NLGN1: variants seen among roughly 807,000 people sequenced by gnomAD.
NLGN1 encodes neuroligin-1.
NLGN1 carries 12 observed loss-of-function variants against 65.5 expected under a neutral mutation model. The ratio of observed to expected loss-of-function variants is 0.18; its 90% CI spans 0.12 to 0.30. The LOEUF is 0.30. Among genes scored for constraint, NLGN1 ranks in the 10% least tolerant of loss-of-function variants. The pLI is 1.00. For missense variants in NLGN1, 750 were observed against 1,007.1 expected, an observed-to-expected ratio of 0.74 and a Z score of 3.46; for synonymous variants, 350 against 359.5, an observed-to-expected ratio of 0.97 and a Z score of 0.30.
In NLGN1 at chr3:173,926,545, T is replaced by G. The variant is rs144901564; in HGVS notation, c.646+118713T>G. Among the ~76,000 whole-genome samples, 3 of 152,328 alleles carry G rather than the reference T, an allele frequency of 2.0e-5. No homozygotes were observed. In the East Asian group the frequency reaches 5.8e-4, roughly 29 times the overall value. On this transcript the variant is annotated intron_variant, in intron 4 of 6. Transcript: ENST00000457714. ...ACCTACCGGTGTATACATCCATGTA[T>G]TTATCATTCTCTACTATTTATTCAA...
intron 3 of NLGN1, among the ~76,000 whole-genome samples, chr3:173,614,066 T>C (rs557062676): frequency 2.0e-4 from 31 of 151,542 alleles, no homozygotes; most frequent in Non-Finnish European, 4.6e-4. Flanking sequence ...CTCCTAGTCT[T>C]AGAAGCATAT....
chr3:173,642,132 G>T (rs1441514452), intron 3 of NLGN1, among the ~76,000 whole-genome samples: 1 of 151,860 alleles, frequency 6.6e-6, no homozygotes, highest in African/African-American at 2.4e-5. Flanking sequence ...CTTGCCTAAA[G>T]TAACCAAAAC....
chr3:174,154,925 T>G (rs1187918455), intron 4 of NLGN1, among the ~76,000 whole-genome samples: 1 of 134,326 alleles, frequency 7.4e-6, no homozygotes, highest in Non-Finnish European at 1.5e-5. Context: ...ATATTTATAT[T>G]TAATTTATAT....
At chr3:173,841,398 T>C (rs1412446857) in intron 4 of NLGN1, among the ~76,000 whole-genome samples, 1 of 152,206 alleles carries the variant, frequency 6.6e-6, no homozygotes, top group East Asian at 1.9e-4. Flanking sequence ...GAGGACTGTC[T>C]TGGCATTCAT....
At chr3:173,873,113 G>A (rs938426814) in intron 4 of NLGN1, among the ~76,000 whole-genome samples, 5 of 147,826 alleles carry the variant, frequency 3.4e-5, no homozygotes, top group Admixed American at 1.4e-4. Context: ...TTTTGAGACC[G>A]AATCTCACTC....
At chr3:173,918,700 G>GTA (rs1404758270) in intron 4 of NLGN1, among the ~76,000 whole-genome samples, 2 of 81,944 alleles carry the variant, frequency 2.4e-5, no homozygotes, top group African/African-American at 9.2e-5. Context: ...GTGTGTGTGT[G>GTA]TGTATATATA....
intron 2 of NLGN1, among the ~76,000 whole-genome samples, chr3:173,564,624 A>G (rs1743329199): frequency 6.6e-6 from 1 of 152,230 alleles, no homozygotes; most frequent in Non-Finnish European, 1.5e-5. Flanking sequence ...CTGAGGAGAT[A>G]GCAGCCTCAG....
intron 4 of NLGN1, among the ~76,000 whole-genome samples, chr3:173,893,652 G>T (rs1349732044): frequency 6.6e-6 from 1 of 152,024 alleles, no homozygotes; most frequent in African/African-American, 2.4e-5. Flanking sequence ...CTATCACTTT[G>T]TCTTAGGCCC....
At chr3:173,806,633 T>C (rs1287222072) in intron 3 of NLGN1, among the ~76,000 whole-genome samples, 1 of 152,132 alleles carries the variant, frequency 6.6e-6, no homozygotes, top group Non-Finnish European at 1.5e-5. Context: ...AATATTTCAA[T>C]CTATATAATA....
chr3:174,132,962 C>T (rs116092128), intron 4 of NLGN1, among the ~76,000 whole-genome samples: 1,775 of 152,284 alleles, frequency 0.012, 20 homozygotes, highest in Non-Finnish European at 0.019. Flanking sequence ...CAACACCCTC[C>T]CCAAAGTTGC....
rs569563529 is a variant in NLGN1 at position 173,849,431 on chromosome 3, A to G, written c.646+41599A>G. ...TCATGTAAAAATCATGGGACAAGTT[A>G]GGCAAAACAAGAGACTGCAGAGTAA... is the stretch of plus-strand genomic sequence containing the variant. On this transcript the variant is annotated intron_variant, in intron 4 of 6. Coordinates refer to ENST00000457714, the Ensembl canonical transcript of NLGN1. Among the ~76,000 whole-genome samples the G allele has an allele frequency of 9.8e-5, 15 of 152,290 alleles. No individual in the cohort carries two copies. In the South Asian group the frequency reaches 3.1e-3, roughly 32 times the overall value.
chr3:173,867,570 A>G (rs1730401987), intron 4 of NLGN1, among the ~76,000 whole-genome samples: 2 of 152,112 alleles, frequency 1.3e-5, no homozygotes, highest in Admixed American at 1.3e-4. Flanking sequence ...GAAACATATA[A>G]TGTTGGTATG....
At chr3:174,064,627 T>C (rs958886483) in intron 4 of NLGN1, among the ~76,000 whole-genome samples, 61 of 150,332 alleles carry the variant, frequency 4.1e-4, no homozygotes, top group Admixed American at 6.0e-4. Flanking sequence ...AATATGTATA[T>C]GTATAATAGG....
chr3:173,503,973 T>C (rs949634482), intron 2 of NLGN1, among the ~76,000 whole-genome samples: 1 of 152,016 alleles, frequency 6.6e-6, no homozygotes, highest in African/African-American at 2.4e-5. Context: ...ATAACACATA[T>C]GAGTTATTGG....
chr3:174,175,730 C>T (rs73880388), intron 4 of NLGN1, among the ~76,000 whole-genome samples: 2,254 of 151,728 alleles, frequency 0.015, 66 homozygotes, highest in African/African-American at 0.052. Flanking sequence ...TTTTTTTCAC[C>T]ATTTTCAGAA....
chr3:174,161,273 G>C (rs1726452805), intron 4 of NLGN1, among the ~76,000 whole-genome samples: 1 of 151,634 alleles, frequency 6.6e-6, no homozygotes, highest in African/African-American at 2.4e-5. Flanking sequence ...CCATATAACT[G>C]TTACTCACTG....
intron 4 of NLGN1, among the ~76,000 whole-genome samples, chr3:174,034,702 G>A (rs912659922): frequency 1.3e-5 from 2 of 151,858 alleles, no homozygotes; most frequent in Admixed American, 6.6e-5. Context: ...AACTAAAAGA[G>A]GAGATAAAAA....
At chr3:173,862,530 A>T (rs891856704) in intron 4 of NLGN1, among the ~76,000 whole-genome samples, 3 of 144,568 alleles carry the variant, frequency 2.1e-5, no homozygotes, top group African/African-American at 7.8e-5. Context: ...AAAAAAAAAA[A>T]GAAAATGAAA....
At chr3:173,472,078 G>A (rs1725406106) in intron 2 of NLGN1, among the ~76,000 whole-genome samples, 2 of 152,034 alleles carry the variant, frequency 1.3e-5, no homozygotes, top group South Asian at 4.1e-4. Flanking sequence ...TTAGGGACTT[G>A]GGGAACATTC....
Sources: allele counts gnomAD v4.1 joint callset (sites outside exome capture counted in the v4.1 genomes callset), GRCh38; gene constraint gnomAD v4.1.1; transcripts MANE v1.5; gene names NCBI Gene and HGNC (gene_info 2026-07-23, HGNC 2026-07-21).